The following PRRC2A variants were observed in gnomAD, a reference collection of about 807,000 sequenced individuals.
PRRC2A encodes proline rich coiled-coil 2A, also known as protein PRRC2A.
PRRC2A carries 59 observed loss-of-function variants against 224.6 expected under a neutral mutation model. That is an observed-to-expected ratio of 0.26 (90% CI 0.21 to 0.33). The LOEUF is 0.33. Among genes scored for constraint, PRRC2A ranks in the 10% least tolerant of loss-of-function variants. The pLI, the probability that PRRC2A is intolerant of heterozygous loss-of-function variation, is 1.00. For synonymous variants in PRRC2A, 1,194 were observed against 1,109.5 expected (o/e 1.08, Z -1.51); for missense variants, 3,095 against 2,880.7 (o/e 1.07, Z -1.70).
Position 31,632,900 on chromosome 6 carries a change from C to T in PRRC2A, c.4227C>T (p.Gly1409=), listed in dbSNP as rs755897681. The T allele has an allele frequency of 6.8e-6, 11 of 1,612,618 alleles. No homozygotes were observed. The highest frequency in any genetic ancestry group is 9.3e-6 in the Non-Finnish European group (11 of 1,179,834). Residue 1409 remains glycine (G), a synonymous_variant, in exon 16 of 31, where the codon GGC becomes GGT. Coordinates refer to ENST00000376033, the MANE Select transcript of PRRC2A (RefSeq NM_004638.4). ...PGPGGKAGSS[G]SSSGGGGGGP... is the part of the protein sequence containing the mutation. The stretch of plus-strand genomic sequence containing the variant: ...CAGGGGGCAAGGCTGGCAGCAGTGG[C>T]AGCAGCAGTGGAGGAGGCGGTGGGG...
intron 13 of PRRC2A, 43 bp downstream of exon 13, chr6:31,629,377 T>G: frequency 6.6e-7 from 1 of 1,526,242 alleles, no homozygotes; most frequent in Non-Finnish European, 8.8e-7. Context: ...CTTTTCTTCC[T>G]GGCTTCGGTC....
rs142640293 is a variant in PRRC2A, at chr6:31,634,934, C to G, written c.5117C>G (p.Pro1706Arg). Residue 1706 changes from proline to arginine, a missense_variant, in exon 21 of 31, where the codon CCT (proline) becomes CGT (arginine). Physicochemically the swap from Pro to Arg is moderately radical, Grantham distance 103 (BLOSUM62 -2). Coordinates refer to ENST00000376033, the MANE Select transcript of PRRC2A (RefSeq NM_004638.4). ...TGTGAGGGTCCACCTGGCTCTGAAC[C>G]TCCTAGGAGACCACCACCTGCCCCC... ...VPCEGPPGSEPPRRPPPAPHD... is the reference protein window; with the variant it reads ...VPCEGPPGSERPRRPPPAPHD... 1.6e-5 allele frequency: 26 copies of G among 1,612,688 alleles called. No individual in the cohort carries two copies. In the African/African-American group the frequency reaches 2.8e-4, roughly 17 times the overall value.
rs1368912346 is a variant in PRRC2A at position 31,637,025 on chromosome 6, G to T, written c.6148-17G>T. On this transcript the variant is annotated splice_polypyrimidine_tract_variant and intron_variant, in intron 28 of 30. Coordinates refer to ENST00000376033, the MANE Select transcript of PRRC2A (RefSeq NM_004638.4). ...CTGTATTTCAAGGTAGGCAGCTCAT[G>T]ATTTTTTTCCCCTCAGCTGCATCCA... The T allele has an allele frequency of 1.9e-6, 3 of 1,595,672 alleles. No individual in the cohort carries two copies. Among genetic ancestry groups the T allele is most frequent in the Non-Finnish European group, 2.6e-6 (3 of 1,170,290 alleles).
rs770556471 is a variant in PRRC2A, at chr6:31,631,936, G to A, written c.3263G>A (p.Arg1088Gln). The A allele has an allele frequency of 5.6e-6, 9 of 1,612,796 alleles. No individual in the cohort carries two copies. The highest frequency in any genetic ancestry group is 1.3e-5 in the African/African-American group (1 of 74,900). ...APRGRTASET[R>Q]SEGSEYEEIP... is the part of the protein sequence containing the mutation. ...CGAGGCCGCACTGCCAGCGAGACAC[G>A]GAGCGAGGGTTCAGAGTATGAGGAA... Residue 1088 changes from arginine to glutamine, a missense_variant, in exon 16 of 31, where the codon CGG becomes CAG. Arg to Gln is a conservative substitution (Grantham distance 43, BLOSUM62 1). This residue lies in a region of PRRC2A where 2,001 missense variants were observed against 1,764.9 expected (regional missense o/e 1.13). Transcript: ENST00000376033. This position sits in a 1 kb window ranked among gnomAD's most constrained non-coding sequence, Gnocchi z 4.5.
At position 31,631,442 on chromosome 6, in the gene PRRC2A, G is replaced by C. The variant is rs761277594; in HGVS notation, c.2769G>C (p.Glu923Asp). 1.9e-6 allele frequency: 3 copies of C among 1,610,064 alleles called. No homozygotes were observed. The East Asian group carries it at 6.7e-5, about 36-fold the overall frequency. Residue 923 changes from glutamate (E) to aspartate (D), a missense_variant, in exon 16 of 31, where the codon GAG (glutamate) becomes GAC (aspartate). Around this residue, in one of 8 missense-constraint regions of PRRC2A, gnomAD observed 2,001 missense variants for 1,764.9 expected, o/e 1.13. Transcript: ENST00000376033. The surrounding 1 kb of genome is among the most constrained non-coding windows in gnomAD (Gnocchi z 4.5). ...PPPPRRESRT[E>D]TRWGPRPGSS... is the part of the protein sequence containing the mutation. ...CACCACGCAGAGAGAGTCGCACAGAGACCCGCTGGGGCCCTCGTCCAGGGA... is the reference window on the plus strand; with the variant it reads ...CACCACGCAGAGAGAGTCGCACAGACACCCGCTGGGGCCCTCGTCCAGGGA...
rs757292370 is a variant in PRRC2A, at chr6:31,626,004, T to C, written c.840-16T>C. On this transcript the variant is annotated splice_polypyrimidine_tract_variant and intron_variant, in intron 8 of 30. Coordinates refer to ENST00000376033, the MANE Select transcript of PRRC2A (RefSeq NM_004638.4). ...TTATACAACATGCCATATTTCATTT[T>C]CTTTTTTGTGTACAGCCGTTTTCCC... 1 of 1,610,476 alleles carries C rather than the reference T, an allele frequency of 6.2e-7. No homozygotes were observed. The highest frequency in any genetic ancestry group is 8.5e-7 in the Non-Finnish European group (1 of 1,178,854).
At chr6:31,623,937 T>C in intron 3 of PRRC2A, 28 bp downstream of exon 3, 2 of 1,607,616 alleles carry the variant, frequency 1.2e-6, no homozygotes, top group Non-Finnish European at 1.7e-6. Flanking sequence ...GGACCTAGAG[T>C]GATGGGTATT....
Position 31,637,050 on chromosome 6 carries a change from A to G in PRRC2A, c.6156A>G (p.Pro2052=). The stretch of plus-strand genomic sequence containing the variant: ...GATTTTTTTCCCCTCAGCTGCATCC[A>G]GTGGAACTAAAGCCGTTCCAGGATT... The part of the protein sequence containing the change: ...PASLGRAELH[P]VELKPFQDYQ... Residue 2052 remains proline (P), a synonymous_variant, in exon 29 of 31, where the codon CCA becomes CCG. Transcript: ENST00000376033. 2 of 1,603,494 alleles carry G rather than the reference A, an allele frequency of 1.2e-6. No individual in the cohort carries two copies. Among genetic ancestry groups the G allele is most frequent in the Non-Finnish European group, 1.7e-6 (2 of 1,174,720 alleles).
intron 12 of PRRC2A, among the ~76,000 whole-genome samples, 162 bp downstream of exon 12, chr6:31,628,401 G>A (rs1776163600): frequency 6.6e-6 from 1 of 152,216 alleles, no homozygotes; most frequent in Non-Finnish European, 1.5e-5. Flanking sequence ...CTGAAGGAGG[G>A]AAGGTTTTGT....
At chr6:31,629,444 TC>T in intron 13 of PRRC2A, 103 bp from the exon 14 acceptor site, 1 of 1,461,732 alleles carries the variant, frequency 6.8e-7, no homozygotes, top group Non-Finnish European at 9.4e-7. Flanking sequence ...TCCAGTTGTC[TC>T]CATTGTCACG....
chr6:31,629,776 T>C lies in PRRC2A; in HGVS notation c.2185T>C (p.Tyr729His). ...FDPRWMMIPP[Y>H]VDPRLLQGRP... ...TCCCCGATGGATGATGATTCCTCCT[T>C]ATGTGGACCCCCGGCTCCTCCAGGG... The change falls in exon 14 of 31, where the codon TAT (tyrosine) becomes CAT (histidine). Residue 729 changes from tyrosine (Y) to histidine (H), a missense_variant. By Grantham distance (83) the Tyr-to-His change is moderately conservative. Transcript: ENST00000376033. 1 of 1,613,774 alleles carries C rather than the reference T, an allele frequency of 6.2e-7. No individual in the cohort carries two copies. The highest frequency in any genetic ancestry group is 8.5e-7 in the Non-Finnish European group (1 of 1,179,854).
chr6:31,635,654 C>T lies in PRRC2A; in HGVS notation c.5446C>T (p.Leu1816=), dbSNP rs777884129. 7.4e-6 allele frequency: 12 copies of T among 1,612,728 alleles called. No homozygotes were observed. The highest frequency in any genetic ancestry group is 1.0e-5 in the Non-Finnish European group (12 of 1,179,870). The stretch of plus-strand genomic sequence containing the variant: ...CTCTGCTGAGCCACAATCCAAGAAC[C>T]TGGATTCTGGGCACTGTGTCCCGGA... The part of the protein sequence containing the change: ...AASAEPQSKN[L]DSGHCVPEPS... The change falls in exon 24 of 31, where the codon CTG becomes TTG. Residue 1816 remains leucine, a synonymous_variant. Coordinates refer to ENST00000376033, the MANE Select transcript of PRRC2A (RefSeq NM_004638.4).
At chr6:31,623,127 A>C (rs1257283355) in intron 2 of PRRC2A, 1 of 755,576 alleles carries the variant, frequency 1.3e-6, no homozygotes, top group Non-Finnish European at 2.4e-6. Flanking sequence ...GACACGTAAG[A>C]ATTGGAGGAA....
chr6:31,629,404 A>G (rs896443801), intron 13 of PRRC2A, 70 bp downstream of exon 13: 3 of 1,511,910 alleles, frequency 2.0e-6, no homozygotes, highest in Admixed American at 2.1e-5. Context: ...TCTCTTCATA[A>G]GTTACCTTCT....
rs1777179326 is a variant in PRRC2A, at chr6:31,635,169, T to C, written c.5198T>C (p.Ile1733Thr). 2.5e-6 allele frequency: 4 copies of C among 1,612,800 alleles called. No individual in the cohort carries two copies. Among genetic ancestry groups the C allele is most frequent in the Non-Finnish European group, 2.5e-6 (3 of 1,178,808 alleles). ...GAGCAGCCTCTGCCCCCTGGCCCCATTGGCACAGAACGATCACAGCGTACA... is the reference window on the plus strand; with the variant it reads ...GAGCAGCCTCTGCCCCCTGGCCCCACTGGCACAGAACGATCACAGCGTACA... ...PREQPLPPGP[I>T]GTERSQRTDR... The change falls in exon 22 of 31, where the codon ATT becomes ACT. Residue 1733 changes from isoleucine (I) to threonine (T), a missense_variant. Coordinates refer to ENST00000376033, the MANE Select transcript of PRRC2A (RefSeq NM_004638.4).
chr6:31,636,489 T>TTTC lies in PRRC2A; in HGVS notation c.5836-19_5836-17dup. 2 of 1,608,664 alleles carry TTTC rather than the reference T, an allele frequency of 1.2e-6. No individual in the cohort carries two copies. The highest frequency in any genetic ancestry group is 1.7e-6 in the Non-Finnish European group (2 of 1,176,862). ...GAATGATTTTGTGGGGGTTGATATA[T>TTTC]TTCTCCCTGTTTCCCGACAGGTACG... On this transcript the variant is annotated intron_variant, in intron 26 of 30. Coordinates refer to ENST00000376033, the MANE Select transcript of PRRC2A (RefSeq NM_004638.4). This position sits in a 1 kb window ranked among gnomAD's most constrained non-coding sequence, Gnocchi z 4.3.
chr6:31,626,234 G>A (rs779403142), intron 9 of PRRC2A, 72 bp downstream of exon 9: 46 of 1,509,260 alleles, frequency 3.0e-5, no homozygotes, highest in Admixed American at 9.1e-5. Context: ...AAAATACAGG[G>A]TTATGTGGGT....
intron 12 of PRRC2A, chr6:31,628,591 C>T: frequency 3.0e-6 from 1 of 331,858 alleles, no homozygotes; most frequent in East Asian, 5.5e-5. Flanking sequence ...CACTTGTAAT[C>T]CCAGCACTCT....
In PRRC2A at chr6:31,627,157, C is replaced by T. The variant is rs772781740; in HGVS notation, c.1249C>T (p.Arg417Trp). The T allele has an allele frequency of 1.2e-5, 19 of 1,613,148 alleles. No individual in the cohort carries two copies. Among genetic ancestry groups the T allele is most frequent in the East Asian group, 1.1e-4 (5 of 44,882 alleles). Residue 417 changes from arginine (R) to tryptophan (W), a missense_variant, in exon 11 of 31, where the codon CGG becomes TGG. By Grantham distance (101) the Arg-to-Trp change is moderately radical. Around this residue, in one of 8 missense-constraint regions of PRRC2A, gnomAD observed 2,001 missense variants for 1,764.9 expected, o/e 1.13. Coordinates refer to ENST00000376033, the MANE Select transcript of PRRC2A (RefSeq NM_004638.4). The surrounding 1 kb of genome is among the most constrained non-coding windows in gnomAD (Gnocchi z 5.6). ...AAAGCCTCCCCTACCCCCACCTCAC[C>T]GGGGCCCCGCCGGGAACTGGGGCCC... ...APKPPLPPPH[R>W]GPAGNWGPPG...
Sources: gnomAD v4.1 joint callset for allele counts (sites outside exome capture counted in the v4.1 genomes callset) on GRCh38, gnomAD v4.1.1 for gene constraint, gnomAD v4.1.1 regional missense constraint, Gnocchi (gnomAD v3.1) non-coding constraint, MANE v1.5 for transcripts, NCBI Gene and HGNC (gene_info 2026-07-23, HGNC 2026-07-21) for gene names.